The following MTDH variants were observed in gnomAD, a reference collection of about 807,000 sequenced individuals.
MTDH encodes protein LYRIC.
In MTDH, 34 loss-of-function variants were observed where a neutral mutation model predicts 72.7. The ratio of observed to expected loss-of-function variants is 0.47; its 90% CI spans 0.36 to 0.62. The LOEUF (loss-of-function observed/expected upper bound fraction) is 0.62. Ranked by LOEUF, MTDH falls within the 20% of genes least tolerant of loss-of-function variation. The pLI is 0.00. For missense variants in MTDH, 677 were observed against 699.4 expected (o/e 0.97, Z 0.36); for synonymous variants, 266 against 268.9 (o/e 0.99, Z 0.10).
intron 1 of MTDH, among the ~76,000 whole-genome samples, chr8:97,649,978 C>T (rs1309158755): frequency 3.3e-5 from 5 of 150,368 alleles, no homozygotes; most frequent in East Asian, 4.0e-4. Context: ...CTTTTTGAAA[C>T]GGAGTGTCAC....
intron 2 of MTDH, among the ~76,000 whole-genome samples, chr8:97,685,991 T>C (rs1487224154): frequency 6.6e-6 from 1 of 152,186 alleles, no homozygotes; most frequent in African/African-American, 2.4e-5. Flanking sequence ...CAGCCATAAC[T>C]TGTATGCGTA....
Position 97,685,936 on chromosome 8 carries a change from G to A in MTDH, c.484-732G>A, listed in dbSNP as rs189819932. Among the ~76,000 whole-genome samples the A allele has an allele frequency of 1.7e-3, 256 of 152,232 alleles. 2 individuals carry two copies. Among genetic ancestry groups the A allele is most frequent in the Middle Eastern group, 3.4e-3 (1 of 294 alleles). On this transcript the variant is annotated intron_variant, in intron 2 of 11. Transcript: ENST00000336273. Reference sequence around the variant, plus strand: ...TTCGTTTTTAGCAAGCTTTTGAAAGGATAGAATAATATTAGGAGAAGGGAA... The same window carrying A: ...TTCGTTTTTAGCAAGCTTTTGAAAGAATAGAATAATATTAGGAGAAGGGAA...
intron 2 of MTDH, among the ~76,000 whole-genome samples, chr8:97,670,784 GCT>G (rs1056746345): frequency 2.6e-5 from 4 of 152,004 alleles, no homozygotes; most frequent in Non-Finnish European, 5.9e-5. Context: ...TAAAGCATGA[GCT>G]CTCTCTGTTG....
At chr8:97,691,246 A>G in intron 6 of MTDH, 58 bp downstream of exon 6, 1 of 1,250,316 alleles carries the variant, frequency 8.0e-7, no homozygotes, top group Non-Finnish European at 1.1e-6. Context: ...GTACATTTTT[A>G]ATTTTTCAGA....
intron 9 of MTDH, among the ~76,000 whole-genome samples, chr8:97,715,578 A>G (rs1389550544): frequency 6.6e-6 from 1 of 152,236 alleles, no homozygotes; most frequent in Non-Finnish European, 1.5e-5. Context: ...ATGAATGGGC[A>G]TTAAGGTTGT....
chr8:97,667,045 G>A (rs1331446334), intron 2 of MTDH, among the ~76,000 whole-genome samples: 2 of 151,968 alleles, frequency 1.3e-5, no homozygotes, highest in Admixed American at 6.6e-5. Context: ...AGCCTGGAGC[G>A]CAGTGGCACA....
intron 1 of MTDH, among the ~76,000 whole-genome samples, chr8:97,658,914 C>T (rs924872702): frequency 4.6e-5 from 7 of 151,988 alleles, no homozygotes; most frequent in Non-Finnish European, 4.4e-5. Flanking sequence ...GAGGCTGAGG[C>T]GGGCGGATCA....
rs1021352463 is a variant in MTDH at position 97,729,416 on chromosome 8, C to T, written c.*4746C>T. On this transcript the variant is annotated 3_prime_UTR_variant, in exon 12 of 12. Coordinates refer to ENST00000336273, the MANE Select transcript of MTDH (RefSeq NM_178812.4). ...CCACTAGCCATGAAGCTGGATGGGA[C>T]GTAATATTCTATCTGGGTTGTCATG... Among the ~76,000 whole-genome samples, 7 of 152,070 alleles carry T rather than the reference C, an allele frequency of 4.6e-5. No individual in the cohort carries two copies. The highest frequency in any genetic ancestry group is 1.2e-4 in the African/African-American group (5 of 41,408).
intron 7 of MTDH, among the ~76,000 whole-genome samples, chr8:97,704,533 C>T (rs954322568): frequency 6.6e-6 from 1 of 151,910 alleles, no homozygotes; most frequent in African/African-American, 2.4e-5. Context: ...ACTTGAGCCC[C>T]AGGAGGTTAA....
At chr8:97,655,521 T>C (rs1279446529) in intron 1 of MTDH, among the ~76,000 whole-genome samples, 1 of 152,238 alleles carries the variant, frequency 6.6e-6, no homozygotes, top group African/African-American at 2.4e-5. Flanking sequence ...ATCTGGAGCA[T>C]TGGACCTGAT....
Position 97,699,804 on chromosome 8 carries a change from G to T in MTDH, c.1099G>T (p.Asp367Tyr). 1.2e-6 allele frequency: 2 copies of T among 1,613,412 alleles called. No individual in the cohort carries two copies. Among genetic ancestry groups the T allele is most frequent in the Non-Finnish European group, 1.7e-6 (2 of 1,179,554 alleles). Residue 367 changes from aspartate to tyrosine, a missense_variant, in exon 7 of 12, where the codon GAT becomes TAT. This residue lies in a region of MTDH where 467 missense variants were observed against 469.1 expected (regional missense o/e 1.00). Coordinates refer to ENST00000336273, the MANE Select transcript of MTDH (RefSeq NM_178812.4). The part of the protein sequence containing the change: ...SQSTTSDYQW[D>Y]VSRNQPYIDD... ...GTCTACCACTTCTGATTATCAGTGG[G>T]ATGTTAGCCGTAATCAACCCTATAT... is the stretch of plus-strand genomic sequence containing the variant.
At chr8:97,709,151 G>C (rs1814513989) in intron 8 of MTDH, among the ~76,000 whole-genome samples, 1 of 149,784 alleles carries the variant, frequency 6.7e-6, no homozygotes, top group Admixed American at 6.7e-5. Context: ...CCAAGGTTGT[G>C]CCACTGCACT....
In MTDH at chr8:97,702,441, G is replaced by T. The variant is rs74930466; in HGVS notation, c.1147+2589G>T. ...ATAACAATTCCTCCCAAACAGTACGGCTGAGAAGATTAAATGAGTTAATAC... is the reference window on the plus strand; with the variant it reads ...ATAACAATTCCTCCCAAACAGTACGTCTGAGAAGATTAAATGAGTTAATAC... On this transcript the variant is annotated intron_variant, in intron 7 of 11. Coordinates refer to ENST00000336273, the MANE Select transcript of MTDH (RefSeq NM_178812.4). Among the ~76,000 whole-genome samples, 575 of 152,172 alleles carry T rather than the reference G, an allele frequency of 3.8e-3. 7 individuals are homozygous for T. Among genetic ancestry groups the T allele is most frequent in the Admixed American group, 0.025 (384 of 15,270 alleles).
chr8:97,682,265 TATATATATATATATA>T (rs1215599790), intron 2 of MTDH, among the ~76,000 whole-genome samples: 16 of 7,984 alleles, frequency 2.0e-3, no homozygotes, highest in South Asian at 7.1e-3. Context: ...TATATATATA[TATATATATATATATA>T]TTTTTTTTTT....
At chr8:97,650,682 A>G (rs576926160) in intron 1 of MTDH, among the ~76,000 whole-genome samples, 2 of 152,346 alleles carry the variant, frequency 1.3e-5, no homozygotes, top group African/African-American at 2.4e-5. Context: ...AACACCTAGC[A>G]TAATGTTTCG....
At chr8:97,662,528 G>A (rs1299925670) in intron 2 of MTDH, among the ~76,000 whole-genome samples, 2 of 150,080 alleles carry the variant, frequency 1.3e-5, no homozygotes, top group East Asian at 4.1e-4. Context: ...GCTCACGCCT[G>A]TAATCCCAGC....
chr8:97,681,247 T>C (rs942433939), intron 2 of MTDH, among the ~76,000 whole-genome samples: 3 of 152,110 alleles, frequency 2.0e-5, no homozygotes, highest in African/African-American at 2.4e-5. Flanking sequence ...TCAGTGCAGC[T>C]TGGTTAAAAA....
At position 97,679,999 on chromosome 8, in the gene MTDH, A is replaced by G. The variant is rs1296496592; in HGVS notation, c.484-6669A>G. Among the ~76,000 whole-genome samples, 18 of 152,308 alleles carry G rather than the reference A, an allele frequency of 1.2e-4. No homozygotes were observed. In the South Asian group the frequency reaches 3.3e-3, roughly 28 times the overall value. The stretch of plus-strand genomic sequence containing the variant: ...ATTATCAATCTGTCTTATTCAGTAT[A>G]TATCTTTGGCAGTTTTAGAAAGTTG... On this transcript the variant is annotated intron_variant, in intron 2 of 11. Transcript: ENST00000336273.
At chr8:97,676,263 T>C (rs2130970203) in intron 2 of MTDH, among the ~76,000 whole-genome samples, 1 of 152,266 alleles carries the variant, frequency 6.6e-6, no homozygotes, top group East Asian at 1.9e-4. Flanking sequence ...TATTTTTATT[T>C]ACTTATTTTT....
Sources: allele counts gnomAD v4.1 joint callset (sites outside exome capture counted in the v4.1 genomes callset), GRCh38; gene constraint gnomAD v4.1.1; regional missense constraint gnomAD v4.1.1; transcripts MANE v1.5; gene names NCBI Gene and HGNC (gene_info 2026-07-23, HGNC 2026-07-21).